The following SMG6 variants were observed in gnomAD, a reference collection of about 807,000 sequenced individuals.
SMG6 encodes telomerase-binding protein EST1A.
In SMG6, 66 loss-of-function variants were observed where a neutral mutation model predicts 142.2. That is an observed-to-expected ratio of 0.46 (90% confidence interval 0.38 to 0.57). SMG6 has a LOEUF of 0.57. Ranked by LOEUF, SMG6 falls within the 20% of genes least tolerant of loss-of-function variation. The pLI is 0.00. For missense variants in SMG6, 1,793 were observed against 1,832.0 expected (o/e 0.98, Z 0.39); for synonymous variants, 779 against 702.4 (o/e 1.11, Z -1.72).
At chr17:2,242,379 A>AAAG (rs2073826090) in intron 9 of SMG6, among the ~76,000 whole-genome samples, 2 of 115,786 alleles carry the variant, frequency 1.7e-5, no homozygotes, top group African/African-American at 5.8e-5. Context: ...AAAAAAAAAA[A>AAAG]ATTAGTCGGG....
intron 10 of SMG6, 107 bp downstream of exon 10, chr17:2,236,385 G>A (rs2073653046): frequency 9.0e-7 from 1 of 1,106,454 alleles, no homozygotes; most frequent in Admixed American, 2.1e-5. Flanking sequence ...GTGTGTTCGG[G>A]GGTGGGGTGG....
chr17:2,158,452 T>C (rs1213781121), intron 13 of SMG6, among the ~76,000 whole-genome samples: 1 of 152,220 alleles, frequency 6.6e-6, no homozygotes, highest in East Asian at 1.9e-4. Flanking sequence ...TAAGAAACAC[T>C]TGAATTCACT....
chr17:2,144,215 C>G (rs1388167061), intron 13 of SMG6, among the ~76,000 whole-genome samples: 1 of 151,942 alleles, frequency 6.6e-6, no homozygotes. Flanking sequence ...CCTGCCATCA[C>G]GCCCAGCTAA....
rs769548238 is a variant in SMG6 at position 2,081,949 on chromosome 17, T to A, written c.3542A>T (p.Asp1181Val). The change falls in exon 15 of 19, where the codon GAT (aspartate) becomes GTT (valine). Residue 1181 changes from aspartate (D) to valine (V), a missense_variant. By Grantham distance (152) the Asp-to-Val change is radical. Around this residue, in one of 3 missense-constraint regions of SMG6, gnomAD observed 1,597 missense variants for 1,584.6 expected, o/e 1.01. Transcript: ENST00000263073. The stretch of plus-strand genomic sequence containing the variant: ...TTCCTCAAAGTCTTCAATCACCACA[T>A]CCTCCTCCTTTGGGTGGTGGAGCCG... ...EGTRLEDEEE[D>V]VVIEDFEEDS... 6.2e-7 allele frequency: 1 copy of A among 1,614,004 alleles called. No homozygotes were observed. The highest frequency in any genetic ancestry group is 8.5e-7 in the Non-Finnish European group (1 of 1,180,004).
chr17:2,223,271 G>C (rs1424706998), intron 10 of SMG6, among the ~76,000 whole-genome samples: 3 of 152,232 alleles, frequency 2.0e-5, no homozygotes, highest in Non-Finnish European at 2.9e-5. Flanking sequence ...CCAGCAGTTG[G>C]AAATTCCCTG....
chr17:2,155,968 C>A (rs554856046), intron 13 of SMG6, among the ~76,000 whole-genome samples: 7 of 151,900 alleles, frequency 4.6e-5, no homozygotes, highest in Non-Finnish European at 7.4e-5. Flanking sequence ...ATGTGAAAAC[C>A]ACATTGGTAG....
At chr17:2,289,487 G>A (rs1343066304) in intron 6 of SMG6, among the ~76,000 whole-genome samples, 1 of 152,112 alleles carries the variant, frequency 6.6e-6, no homozygotes, top group African/African-American at 2.4e-5. Context: ...AGCCCAGGAG[G>A]TCGAGACTGC....
At chr17:2,256,843 T>G (rs571896832) in intron 8 of SMG6, among the ~76,000 whole-genome samples, 1 of 151,972 alleles carries the variant, frequency 6.6e-6, no homozygotes, top group Non-Finnish European at 1.5e-5. Context: ...ACAAGAAAAC[T>G]CGTGAGAAAA....
At chr17:2,195,035 T>C (rs1487527236) in intron 10 of SMG6, among the ~76,000 whole-genome samples, 1 of 152,158 alleles carries the variant, frequency 6.6e-6, no homozygotes, top group East Asian at 1.9e-4. Context: ...GAGGAAGACC[T>C]AGCAAGAGGC....
intron 13 of SMG6, among the ~76,000 whole-genome samples, chr17:2,169,327 G>T (rs113357641): frequency 6.6e-6 from 1 of 151,634 alleles, no homozygotes. Context: ...AAAAAAAAAG[G>T]AGGTAATAAT....
At chr17:2,295,307 C>T (rs1235311511) in intron 4 of SMG6, among the ~76,000 whole-genome samples, 1 of 152,188 alleles carries the variant, frequency 6.6e-6, no homozygotes, top group Admixed American at 6.5e-5. Context: ...ATATGCTCAA[C>T]TTTCCAATCT....
chr17:2,292,095 C>T (rs2075050863), intron 6 of SMG6, among the ~76,000 whole-genome samples: 1 of 152,098 alleles, frequency 6.6e-6, no homozygotes, highest in African/African-American at 2.4e-5. Flanking sequence ...GCTAAGGAGG[C>T]ACCTCAGATA....
chr17:2,071,740 C>CT lies in SMG6; in HGVS notation c.3682-2810_3682-2809insA, dbSNP rs2068106149. On this transcript the variant is annotated intron_variant, in intron 15 of 18. Coordinates refer to ENST00000263073, the MANE Select transcript of SMG6 (RefSeq NM_017575.5). This position sits in a 1 kb window ranked among gnomAD's most constrained non-coding sequence, Gnocchi z 5.6. ...CCTGGGGTACCGGTGGGCCTCTGGGCGGGGGGGGTCACACCTGGGTCACAA... is the reference window on the plus strand; with the variant it reads ...CCTGGGGTACCGGTGGGCCTCTGGGCTGGGGGGGGTCACACCTGGGTCACAA... 6.6e-6 allele frequency among the ~76,000 whole-genome samples: 1 copy of CT among 151,610 alleles called. No homozygotes were observed. Among genetic ancestry groups the CT allele is most frequent in the Admixed American group, 6.6e-5 (1 of 15,218 alleles).
intron 8 of SMG6, among the ~76,000 whole-genome samples, chr17:2,275,183 A>T (rs962288105): frequency 2.6e-5 from 4 of 152,192 alleles, no homozygotes; most frequent in African/African-American, 9.7e-5. Flanking sequence ...GCACTTTGGC[A>T]GGCCAAGGTG....
At chr17:2,077,139 C>A (rs1026913155) in intron 15 of SMG6, among the ~76,000 whole-genome samples, 4 of 152,200 alleles carry the variant, frequency 2.6e-5, no homozygotes, top group Admixed American at 6.5e-5. Flanking sequence ...CCACACTGTA[C>A]CACTGTACAC....
intron 10 of SMG6, among the ~76,000 whole-genome samples, chr17:2,199,554 A>AAAATAAATAAAT (rs201774067): frequency 1.3e-5 from 2 of 151,322 alleles, no homozygotes; most frequent in Admixed American, 6.6e-5. Flanking sequence ...AAAATAAATA[A>AAAATAAATAAAT]AAATAAATAA....
chr17:2,159,991 A>G (rs543833904), intron 13 of SMG6, among the ~76,000 whole-genome samples: 1 of 152,330 alleles, frequency 6.6e-6, no homozygotes, highest in Admixed American at 6.5e-5. Flanking sequence ...TTAGATCAGT[A>G]GCTGCCTGGG....
At chr17:2,118,848 T>C (rs1184916614) in intron 13 of SMG6, among the ~76,000 whole-genome samples, 1 of 151,580 alleles carries the variant, frequency 6.6e-6, no homozygotes, top group African/African-American at 2.4e-5. Context: ...CTTAGACTGA[T>C]AAAGTGTTGA....
At position 2,122,409 on chromosome 17, in the gene SMG6, A is replaced by G. The variant is rs1439383388; in HGVS notation, c.3358-36508T>C. The G allele has an allele frequency of 2.0e-5, 3 of 152,214 alleles. No homozygotes were observed. In the East Asian group the frequency reaches 5.8e-4, roughly 29 times the overall value. The allele number at this position is 152,214 out of a possible 1,614,324, so 9.4% of individuals were successfully genotyped here. Reference sequence around the variant, plus strand: ...TGCATCAATCCCTGTTGCCGTCACTAAACAGCTGTCTCATTAGCTATTAAG... The same window carrying G: ...TGCATCAATCCCTGTTGCCGTCACTGAACAGCTGTCTCATTAGCTATTAAG... On this transcript the variant is annotated intron_variant, in intron 13 of 18. Transcript: ENST00000263073.
Sources: allele counts gnomAD v4.1 joint callset (sites outside exome capture counted in the v4.1 genomes callset), GRCh38; gene constraint gnomAD v4.1.1; regional missense constraint gnomAD v4.1.1; non-coding constraint Gnocchi (gnomAD v3.1); transcripts MANE v1.5; gene names NCBI Gene and HGNC (gene_info 2026-07-23, HGNC 2026-07-21).